Variants in ZNF345 observed in about 807,000 individuals in gnomAD.
The protein encoded by ZNF345 is zinc finger protein HZF10.
For synonymous variants in ZNF345, 166 were observed against 187.9 expected (o/e 0.88, Z 0.95); for missense variants, 527 against 589.9 (o/e 0.89, Z 1.10).
chr19:36,857,036 G>A (rs1258052359), intron 2 of ZNF345, among the ~76,000 whole-genome samples: 1 of 151,940 alleles, frequency 6.6e-6, no homozygotes, highest in Non-Finnish European at 1.5e-5. Context: ...TGCAATCGTT[G>A]TGTAGCTATT....
intron 2 of ZNF345, among the ~76,000 whole-genome samples, chr19:36,874,608 C>T (rs1291933993): frequency 1.3e-5 from 2 of 151,820 alleles, no homozygotes; most frequent in Non-Finnish European, 2.9e-5. Context: ...TAGAGAAACC[C>T]TGTATTACTA....
intron 2 of ZNF345, among the ~76,000 whole-genome samples, chr19:36,863,823 T>C (rs112326521): frequency 6.6e-6 from 1 of 152,222 alleles, no homozygotes; most frequent in Non-Finnish European, 1.5e-5. Context: ...AATGGTCAAG[T>C]ACAGCAACTA....
intron 2 of ZNF345, among the ~76,000 whole-genome samples, chr19:36,875,381 A>AG (rs1206387461): frequency 6.6e-6 from 1 of 152,146 alleles, no homozygotes; most frequent in African/African-American, 2.4e-5. Context: ...CAGTGGATAT[A>AG]GGGGGACATT....
In ZNF345 at chr19:36,877,021, G is replaced by A. The variant is rs1431019594; in HGVS notation, c.191G>A (p.Cys64Tyr). Reference protein sequence around the residue: ...RIHTDEKLLECKECGKDFSFV... With the variant: ...RIHTDEKLLEYKECGKDFSFV... The stretch of plus-strand genomic sequence containing the variant: ...CATACTGATGAGAAACTCCTTGAAT[G>A]TAAGGAATGTGGGAAGGATTTTAGT... The change falls in exon 3 of 3, where the codon TGT (cysteine) becomes TAT (tyrosine). Residue 64 changes from cysteine to tyrosine, a missense_variant. By Grantham distance (194) the Cys-to-Tyr change is radical (BLOSUM62 -2). Coordinates refer to ENST00000420450, the MANE Select transcript of ZNF345 (RefSeq NM_001242472.2). 2 of 1,614,044 alleles carry A rather than the reference G, an allele frequency of 1.2e-6. No individual in the cohort carries two copies. Among genetic ancestry groups the A allele is most frequent in the African/African-American group, 2.7e-5 (2 of 74,948 alleles).
intron 2 of ZNF345, among the ~76,000 whole-genome samples, chr19:36,865,032 C>CT (rs902805319): frequency 6.6e-6 from 1 of 152,112 alleles, no homozygotes; most frequent in Non-Finnish European, 1.5e-5. Context: ...CCACTTTGTA[C>CT]TTTAAGAGCC....
intron 2 of ZNF345, among the ~76,000 whole-genome samples, chr19:36,855,784 C>T (rs918018066): frequency 6.6e-6 from 1 of 152,280 alleles, no homozygotes; most frequent in African/African-American, 2.4e-5. Flanking sequence ...TTTCTCTTCC[C>T]GACCTATCAC....
intron 3 of ZNF345, chr19:36,888,232 CTG>C (rs2073015630): frequency 6.6e-6 from 1 of 152,080 alleles, no homozygotes; most frequent in African/African-American, 2.4e-5. Flanking sequence ...ATAAATTGTG[CTG>C]TCTTGTTTGA....
At chr19:36,857,521 C>A (rs971161227) in intron 2 of ZNF345, among the ~76,000 whole-genome samples, 2 of 152,196 alleles carry the variant, frequency 1.3e-5, no homozygotes, top group Middle Eastern at 3.4e-3. Context: ...GTTGGTCAGG[C>A]TGGTCCCGAA....
downstream of ZNF345, among the ~76,000 whole-genome samples, chr19:36,893,187 C>T (rs2073078768): frequency 6.6e-6 from 1 of 152,160 alleles, no homozygotes; most frequent in African/African-American, 2.4e-5. Context: ...AATCACCAGC[C>T]TCCGACAAAT....
intron 2 of ZNF345, among the ~76,000 whole-genome samples, chr19:36,868,349 A>G (rs910437940): frequency 5.9e-5 from 9 of 152,084 alleles, no homozygotes; most frequent in African/African-American, 2.2e-4. Context: ...TTGTCTCAAT[A>G]CCATTTTTTG....
chr19:36,873,803 G>T (rs983971678), intron 2 of ZNF345, among the ~76,000 whole-genome samples: 2 of 151,708 alleles, frequency 1.3e-5, no homozygotes, highest in African/African-American at 4.8e-5. Flanking sequence ...TTGTCAAATG[G>T]CAGGATCTCT....
intron 2 of ZNF345, among the ~76,000 whole-genome samples, chr19:36,863,239 A>G (rs148259731): frequency 1.7e-4 from 26 of 152,200 alleles, no homozygotes; most frequent in African/African-American, 6.0e-4. Context: ...TATAATGAGG[A>G]TTGAGCATTT....
chr19:36,863,909 G>T (rs1483043073), intron 2 of ZNF345, among the ~76,000 whole-genome samples: 1 of 152,124 alleles, frequency 6.6e-6, no homozygotes, highest in Non-Finnish European at 1.5e-5. Context: ...TAACATTACT[G>T]CATGCCATTA....
At chr19:36,887,480 TATA>T (rs2073008965) in intron 3 of ZNF345, among the ~76,000 whole-genome samples, 1 of 152,224 alleles carries the variant, frequency 6.6e-6, no homozygotes, top group Non-Finnish European at 1.5e-5. Flanking sequence ...CTATTGCTTT[TATA>T]ATTATTCTGT....
intron 3 of ZNF345, among the ~76,000 whole-genome samples, chr19:36,885,323 T>C (rs930472559): frequency 5.9e-5 from 9 of 151,754 alleles, no homozygotes; most frequent in African/African-American, 2.2e-4. Flanking sequence ...GTATGCAGGG[T>C]TGGTAAGACT....
intron 3 of ZNF345, chr19:36,887,980 T>C (rs1028409540): frequency 1.3e-5 from 2 of 152,178 alleles, no homozygotes; most frequent in African/African-American, 4.8e-5. Context: ...GATTTCTGCT[T>C]ATTAAAAAAT....
At chr19:36,883,466 C>T (rs903587799), downstream of ZNF345, among the ~76,000 whole-genome samples, 16 of 152,146 alleles carry the variant, frequency 1.1e-4, no homozygotes, top group East Asian at 3.9e-4. Flanking sequence ...ACACTCACTA[C>T]GTTCAGTAGC....
intron 3 of ZNF345, among the ~76,000 whole-genome samples, chr19:36,887,172 A>C (rs571069047): frequency 0.023 from 3,519 of 151,256 alleles, 126 homozygotes; most frequent in African/African-American, 0.079. Context: ...ATCTCAAAAA[A>C]CACCACCACC....
chr19:36,875,544 T>G (rs898013504), intron 2 of ZNF345, among the ~76,000 whole-genome samples: 5 of 152,240 alleles, frequency 3.3e-5, no homozygotes, highest in South Asian at 4.1e-4. Flanking sequence ...TGAGGAACTT[T>G]TAAGAGCGAG....
Sources: gnomAD v4.1 joint callset for allele counts (sites outside exome capture counted in the v4.1 genomes callset) on GRCh38, gnomAD v4.1.1 for gene constraint, MANE v1.5 for transcripts, NCBI Gene and HGNC (gene_info 2026-07-23, HGNC 2026-07-21) for gene names.